CCR2: variants seen among roughly 807,000 people sequenced by gnomAD.
CCR2 encodes C-C chemokine receptor type 2.
For missense variants in CCR2, 408 were observed against 440.0 expected (o/e 0.93, Z 0.65); for synonymous variants, 183 against 177.1 (o/e 1.03, Z -0.27).
chr3:46,358,620 C>T lies in CCR2; in HGVS notation c.*10C>T, dbSNP rs139853760. 1,066 of 1,557,206 alleles carry T rather than the reference C, an allele frequency of 6.8e-4. 8 individuals carry two copies. The African/African-American group carries it at 0.013, about 20-fold the overall frequency. ...CTCGGCTGGTTTATAAAACGAGGAG[C>T]AGTTTGATTGTTGTTTATAAAGGGA... On this transcript the variant is annotated 3_prime_UTR_variant, in exon 2 of 2. Transcript: ENST00000445132.
chr3:46,357,631 T>G lies in CCR2; in HGVS notation c.104T>G (p.Phe35Cys). 1 of 1,614,092 alleles carries G rather than the reference T, an allele frequency of 6.2e-7. No individual in the cohort carries two copies. The highest frequency in any genetic ancestry group is 1.1e-5 in the South Asian group (1 of 91,072). The part of the protein sequence containing the change: ...DYDYGAPCHK[F>C]DVKQIGAQLL... ...GATTACGGTGCTCCCTGTCATAAAT[T>G]TGACGTGAAGCAAATTGGGGCCCAA... Residue 35 changes from phenylalanine to cysteine, a missense_variant, in exon 2 of 2, where the codon TTT becomes TGT. Transcript: ENST00000445132.
At chr3:46,356,927 A>G (rs1701463646) in intron 1 of CCR2, among the ~76,000 whole-genome samples, 1 of 152,110 alleles carries the variant, frequency 6.6e-6, no homozygotes, top group Non-Finnish European at 1.5e-5. Context: ...CCAAAAAAAA[A>G]AAAAAAAGAA....
In CCR2 at chr3:46,357,761, C is replaced by T. The variant is rs1304848566; in HGVS notation, c.234C>T (p.Asp78=). The part of the protein sequence containing the change: ...INCKKLKCLT[D]IYLLNLAISD... ...GCAAAAAGCTGAAGTGCTTGACTGA[C>T]ATTTACCTGCTCAACCTGGCCATCT... is the stretch of plus-strand genomic sequence containing the variant. The change falls in exon 2 of 2, where the codon GAC becomes GAT. Residue 78 remains aspartate, a synonymous_variant. Transcript: ENST00000445132. 1 of 1,614,182 alleles carries T rather than the reference C, an allele frequency of 6.2e-7. No homozygotes were observed. Among genetic ancestry groups the T allele is most frequent in the Non-Finnish European group, 8.5e-7 (1 of 1,180,026 alleles).
Position 46,359,883 on chromosome 3 carries a change from C to G in CCR2, c.*1273C>G. The stretch of plus-strand genomic sequence containing the variant: ...TAGAGACAGAAATGACAGATCTCTG[C>G]TTTGGAAATCACACGTCTGGCTTCA... On this transcript the variant is annotated 3_prime_UTR_variant, in exon 2 of 2. Coordinates refer to ENST00000445132, the MANE Select transcript of CCR2 (RefSeq NM_001123396.4). 6.2e-7 allele frequency: 1 copy of G among 1,603,958 alleles called. No individual in the cohort carries two copies. The highest frequency in any genetic ancestry group is 8.5e-7 in the Non-Finnish European group (1 of 1,174,742).
Position 46,358,219 on chromosome 3 carries a change from G to T in CCR2, c.692G>T (p.Arg231Leu), listed in dbSNP as rs746514238. The T allele has an allele frequency of 1.2e-6, 2 of 1,614,014 alleles. No homozygotes were observed. The highest frequency in any genetic ancestry group is 1.7e-6 in the Non-Finnish European group (2 of 1,180,016). The stretch of plus-strand genomic sequence containing the variant: ...TCGGGAATCCTGAAAACCCTGCTTC[G>T]GTGTCGAAACGAGAAGAAGAGGCAT... Reference protein sequence around the residue: ...CYSGILKTLLRCRNEKKRHRA... With the variant: ...CYSGILKTLLLCRNEKKRHRA... The change falls in exon 2 of 2, where the codon CGG becomes CTG. Residue 231 changes from arginine to leucine, a missense_variant. Physicochemically the swap from Arg to Leu is moderately radical, Grantham distance 102 (BLOSUM62 -2). Transcript: ENST00000445132.
In CCR2 at chr3:46,358,310, T is replaced by C. The variant is rs376675621; in HGVS notation, c.783T>C (p.Ile261=). The C allele has an allele frequency of 3.5e-5, 57 of 1,614,092 alleles. No individual in the cohort carries two copies. The highest frequency in any genetic ancestry group is 3.1e-4 in the African/African-American group (23 of 74,936). The part of the protein sequence containing the change: ...VYFLFWTPYN[I]VILLNTFQEF... ...TTCTCTTCTGGACTCCCTATAATAT[T>C]GTCATTCTCCTGAACACCTTCCAGG... Residue 261 remains isoleucine, a synonymous_variant, in exon 2 of 2, where the codon ATT becomes ATC. Transcript: ENST00000445132.
In CCR2 at chr3:46,357,990, A is replaced by G. The variant is rs1701486247; in HGVS notation, c.463A>G (p.Thr155Ala). ...AVFALKARTV[T>A]FGVVTSVITW... Reference sequence around the variant, plus strand: ...GTTTGCTTTAAAAGCCAGGACGGTCACCTTTGGGGTGGTGACAAGTGTGAT... The same window carrying G: ...GTTTGCTTTAAAAGCCAGGACGGTCGCCTTTGGGGTGGTGACAAGTGTGAT... The change falls in exon 2 of 2, where the codon ACC becomes GCC. Residue 155 changes from threonine (T) to alanine (A), a missense_variant. Thr to Ala is a moderately conservative substitution (Grantham distance 58). Transcript: ENST00000445132. 6.2e-7 allele frequency: 1 copy of G among 1,614,142 alleles called. No individual in the cohort carries two copies. Among genetic ancestry groups the G allele is most frequent in the Non-Finnish European group, 8.5e-7 (1 of 1,180,012 alleles).
chr3:46,359,845 C>A lies in CCR2; in HGVS notation c.*1235C>A, dbSNP rs993589500. 1 of 1,613,534 alleles carries A rather than the reference C, an allele frequency of 6.2e-7. No individual in the cohort carries two copies. Among genetic ancestry groups the A allele is most frequent in the South Asian group, 1.1e-5 (1 of 91,008 alleles). On this transcript the variant is annotated 3_prime_UTR_variant, in exon 2 of 2. Coordinates refer to ENST00000445132, the MANE Select transcript of CCR2 (RefSeq NM_001123396.4). ...GAGCCCCTGAAGCCAGTCTTCAGGA[C>A]AAAGAAGGAGCCTAGAGACAGAAAT...
rs1701524912 is a variant in CCR2, at chr3:46,360,044, A to G, written c.*1434A>G. On this transcript the variant is annotated 3_prime_UTR_variant, in exon 2 of 2. Coordinates refer to ENST00000445132, the MANE Select transcript of CCR2 (RefSeq NM_001123396.4). ...CAGTTCCTCATTTTTGAATACAGGC[A>G]TAGAGTTCAGACTTTTTTTAAATAG... 2 of 567,686 alleles carry G rather than the reference A, an allele frequency of 3.5e-6. No homozygotes were observed. Among genetic ancestry groups the G allele is most frequent in the Middle Eastern group, 4.6e-4 (1 of 2,184 alleles). The allele number at this position is 567,686 out of a possible 1,614,324, so 35.2% of individuals were successfully genotyped here. A position where few individuals can be genotyped will look rare whatever the true frequency, so the allele number is the denominator to read the frequency against.
At chr3:46,356,678 G>C (rs1197642647) in intron 1 of CCR2, among the ~76,000 whole-genome samples, 2 of 152,128 alleles carry the variant, frequency 1.3e-5, no homozygotes, top group Admixed American at 1.3e-4. Context: ...CCAGCAATTT[G>C]AGAGGCCAAG....
intron 1 of CCR2, among the ~76,000 whole-genome samples, chr3:46,356,495 G>A (rs1490233208): frequency 6.6e-6 from 1 of 152,118 alleles, no homozygotes; most frequent in African/African-American, 2.4e-5. Flanking sequence ...GGTGGAATTG[G>A]AATAAAACCA....
At position 46,357,644 on chromosome 3, in the gene CCR2, A is replaced by G; in HGVS notation, c.117A>G (p.Gln39=). ...CCTGTCATAAATTTGACGTGAAGCA[A>G]ATTGGGGCCCAACTCCTGCCTCCGC... The part of the protein sequence containing the change: ...GAPCHKFDVK[Q]IGAQLLPPLY... Residue 39 remains glutamine, a synonymous_variant, in exon 2 of 2, where the codon CAA becomes CAG. Coordinates refer to ENST00000445132, the MANE Select transcript of CCR2 (RefSeq NM_001123396.4). 1 of 1,613,956 alleles carries G rather than the reference A, an allele frequency of 6.2e-7. No homozygotes were observed. Among genetic ancestry groups the G allele is most frequent in the South Asian group, 1.1e-5 (1 of 91,056 alleles).
At position 46,360,588 on chromosome 3, in the gene CCR2, C is replaced by G. The variant is rs1701534655; in HGVS notation, c.*1978C>G. Reference sequence around the variant, plus strand: ...AAAGAATGGAAGGTGGAGAAGCTCCCTGAAGTAAGCAAAGACTTTCCTCTT... The same window carrying G: ...AAAGAATGGAAGGTGGAGAAGCTCCGTGAAGTAAGCAAAGACTTTCCTCTT... On this transcript the variant is annotated 3_prime_UTR_variant, in exon 2 of 2. Transcript: ENST00000445132. 2.0e-5 allele frequency: 3 copies of G among 152,330 alleles called. No individual in the cohort carries two copies. In the South Asian group the frequency reaches 6.2e-4, roughly 32 times the overall value. The allele number at this position is 152,330 out of a possible 1,614,324, so 9.4% of individuals were successfully genotyped here. A position where few individuals can be genotyped will look rare whatever the true frequency, so the allele number is the denominator to read the frequency against.
chr3:46,358,160 G>C lies in CCR2; in HGVS notation c.633G>C (p.Leu211=). The change falls in exon 2 of 2, where the codon CTG becomes CTC. Residue 211 remains leucine (L), a synonymous_variant. Coordinates refer to ENST00000445132, the MANE Select transcript of CCR2 (RefSeq NM_001123396.4). ...CAATAATGAGGAACATTTTGGGGCT[G>C]GTCCTGCCGCTGCTCATCATGGTCA... ...FHTIMRNILG[L]VLPLLIMVIC... 1.2e-6 allele frequency: 2 copies of C among 1,614,148 alleles called. No individual in the cohort carries two copies. The highest frequency in any genetic ancestry group is 2.2e-5 in the East Asian group (1 of 44,886).
chr3:46,356,001 C>G (rs191926568), intron 1 of CCR2, among the ~76,000 whole-genome samples: 2 of 152,210 alleles, frequency 1.3e-5, no homozygotes, highest in African/African-American at 2.4e-5. Flanking sequence ...AATCCACAAT[C>G]GGAAGGAGTT....
In CCR2 at chr3:46,359,139, C is replaced by T; in HGVS notation, c.*529C>T. ...GCCCCATCTGCCACGTGTATTTAAC[C>T]TTGAAGGGTTCACCAGGTCAGGGAG... On this transcript the variant is annotated 3_prime_UTR_variant, in exon 2 of 2. Coordinates refer to ENST00000445132, the MANE Select transcript of CCR2 (RefSeq NM_001123396.4). 1 of 1,007,160 alleles carries T rather than the reference C, an allele frequency of 9.9e-7. No homozygotes were observed. The highest frequency in any genetic ancestry group is 1.2e-6 in the Non-Finnish European group (1 of 834,326). 62.4% of individuals were successfully genotyped at this position (1,007,160 alleles called of 1,614,324 possible).
At position 46,358,493 on chromosome 3, in the gene CCR2, G is replaced by C; in HGVS notation, c.966G>C (p.Lys322Asn). 6.2e-7 allele frequency: 1 copy of C among 1,613,540 alleles called. No homozygotes were observed. The highest frequency in any genetic ancestry group is 1.1e-5 in the South Asian group (1 of 91,060). ...FRRYLSVFFR[K>N]HITKRFCKQC... ...GGTATCTCTCGGTGTTCTTCCGAAAGCACATCACCAAGCGCTTCTGCAAAC... is the reference window on the plus strand; with the variant it reads ...GGTATCTCTCGGTGTTCTTCCGAAACCACATCACCAAGCGCTTCTGCAAAC... The change falls in exon 2 of 2, where the codon AAG (lysine) becomes AAC (asparagine). Residue 322 changes from lysine (K) to asparagine (N), a missense_variant. Physicochemically the swap from Lys to Asn is moderately conservative, Grantham distance 94. Coordinates refer to ENST00000445132, the MANE Select transcript of CCR2 (RefSeq NM_001123396.4).
In CCR2 at chr3:46,357,555, A is replaced by C; in HGVS notation, c.28A>C (p.Ile10Leu). MLSTSRSRF[I>L]RNTNESGEEV... The stretch of plus-strand genomic sequence containing the variant: ...GCTGTCCACATCTCGTTCTCGGTTT[A>C]TCAGAAATACCAACGAGAGCGGTGA... Residue 10 changes from isoleucine to leucine, a missense_variant, in exon 2 of 2, where the codon ATC (isoleucine) becomes CTC (leucine). Coordinates refer to ENST00000445132, the MANE Select transcript of CCR2 (RefSeq NM_001123396.4). 6.2e-7 allele frequency: 1 copy of C among 1,614,044 alleles called. No individual in the cohort carries two copies.
In CCR2 at chr3:46,357,894, G is replaced by T. The variant is rs748913404; in HGVS notation, c.367G>T (p.Gly123Cys). The T allele has an allele frequency of 1.2e-6, 2 of 1,614,030 alleles. No individual in the cohort carries two copies. Among genetic ancestry groups the T allele is most frequent in the African/African-American group, 1.3e-5 (1 of 74,910 alleles). ...CKLFTGLYHI[G>C]YFGGIFFIIL... The stretch of plus-strand genomic sequence containing the variant: ...ATTATTCACAGGGCTGTATCACATC[G>T]GTTATTTTGGCGGAATCTTCTTCAT... Residue 123 changes from glycine (G) to cysteine (C), a missense_variant, in exon 2 of 2, where the codon GGT becomes TGT. Coordinates refer to ENST00000445132, the MANE Select transcript of CCR2 (RefSeq NM_001123396.4).
Sources: allele counts gnomAD v4.1 joint callset (sites outside exome capture counted in the v4.1 genomes callset), GRCh38; gene constraint gnomAD v4.1.1; transcripts MANE v1.5; gene names NCBI Gene and HGNC (gene_info 2026-07-23, HGNC 2026-07-21).